KIF20B: variants seen among roughly 807,000 people sequenced by gnomAD.
KIF20B encodes the protein kinesin family member 20B.
Under a neutral mutation model 232.5 loss-of-function variants are expected in KIF20B, and 188 were observed. The ratio of observed to expected loss-of-function variants is 0.81; its 90% CI spans 0.72 to 0.91. KIF20B has a LOEUF of 0.91. KIF20B is among the 40% of genes least tolerant of loss of function. The pLI is 0.00. For missense variants in KIF20B, 2,154 were observed against 2,055.9 expected, an observed-to-expected ratio of 1.05 and a Z score of -0.92; for synonymous variants, 712 against 683.0, an observed-to-expected ratio of 1.04 and a Z score of -0.66.
Position 89,758,756 on chromosome 10 carries a change from G to A in KIF20B, c.4554G>A (p.Trp1518Ter). 6.2e-7 allele frequency: 1 copy of A among 1,607,512 alleles called. No individual in the cohort carries two copies. The highest frequency in any genetic ancestry group is 8.5e-7 in the Non-Finnish European group (1 of 1,176,952). ...LTEKDSDLQK[W>*]REERDQLVAA... ...AGAAAGATAGTGACCTTCAAAAGTGGCGAGAAGAACGAGATCAACTGGTTG... is the reference window on the plus strand; with the variant it reads ...AGAAAGATAGTGACCTTCAAAAGTGACGAGAAGAACGAGATCAACTGGTTG... The change falls in exon 27 of 33, where the codon TGG (tryptophan) becomes TGA (stop). Residue 1518 changes from tryptophan to a stop codon, truncating the protein, a stop_gained. Coordinates refer to ENST00000371728, the MANE Select transcript of KIF20B (RefSeq NM_001284259.2). LOFTEE classifies it high-confidence loss of function.
At chr10:89,745,704 C>T (rs1330799012) in intron 22 of KIF20B, among the ~76,000 whole-genome samples, 195 bp from the exon 23 acceptor site, 1 of 151,656 alleles carries the variant, frequency 6.6e-6, no homozygotes, top group Admixed American at 6.6e-5. Flanking sequence ...TCTACTTCTT[C>T]TTTCCCCTGC....
In KIF20B at chr10:89,709,473, G is replaced by C; in HGVS notation, c.351+12G>C. ...TCAGTTTTTCCAAGGTAAAACTGAA[G>C]TGTTTTTGTTTTTTGTTTTAAAGAT... On this transcript the variant is annotated intron_variant, in intron 4 of 32. Transcript: ENST00000371728. 6.4e-7 allele frequency: 1 copy of C among 1,560,414 alleles called. No individual in the cohort carries two copies. The highest frequency in any genetic ancestry group is 8.8e-7 in the Non-Finnish European group (1 of 1,133,598).
chr10:89,730,467 C>G (rs1376320926), intron 18 of KIF20B, among the ~76,000 whole-genome samples: 1 of 152,040 alleles, frequency 6.6e-6, no homozygotes, highest in African/African-American at 2.4e-5. Flanking sequence ...ATGTGTGAAG[C>G]TGTGAGTGGG....
In KIF20B at chr10:89,717,544, A is replaced by AC. The variant is rs750361808; in HGVS notation, c.1125-31dup. ...TAATTATTTGTAATTGTTTTGAAGA[A>AC]CTTTTAAAGTACTTTTTTTTTCTTA... is the stretch of plus-strand genomic sequence containing the variant. On this transcript the variant is annotated intron_variant, in intron 10 of 32. Coordinates refer to ENST00000371728, the MANE Select transcript of KIF20B (RefSeq NM_001284259.2). The AC allele has an allele frequency of 4.0e-5, 64 of 1,592,580 alleles. 2 individuals are homozygous for AC. In the South Asian group the frequency reaches 6.7e-4, roughly 17 times the overall value.
chr10:89,738,385 A>G lies in KIF20B; in HGVS notation c.3544A>G (p.Lys1182Glu). 6.2e-7 allele frequency: 1 copy of G among 1,602,014 alleles called. No homozygotes were observed. Among genetic ancestry groups the G allele is most frequent in the Non-Finnish European group, 8.5e-7 (1 of 1,176,996 alleles). Reference sequence around the variant, plus strand: ...GAAAGTTGAATGTAGTCATTCAGCCAAGTTAGAACAAGACATTTTGGAAAA... The same window carrying G: ...GAAAGTTGAATGTAGTCATTCAGCCGAGTTAGAACAAGACATTTTGGAAAA... ...TQKVECSHSA[K>E]LEQDILEKES... The change falls in exon 20 of 33, where the codon AAG becomes GAG. Residue 1182 changes from lysine (K) to glutamate (E), a missense_variant. Coordinates refer to ENST00000371728, the MANE Select transcript of KIF20B (RefSeq NM_001284259.2).
chr10:89,727,993 CAG>C, intron 17 of KIF20B, 97 bp downstream of exon 17: 1 of 1,113,458 alleles, frequency 9.0e-7, no homozygotes, highest in Middle Eastern at 2.2e-4. Flanking sequence ...AATAATTAAA[CAG>C]TAATATAGTC....
intron 18 of KIF20B, among the ~76,000 whole-genome samples, chr10:89,732,471 T>G (rs911974502): frequency 6.7e-6 from 1 of 148,674 alleles, no homozygotes; most frequent in Non-Finnish European, 1.5e-5. Flanking sequence ...AAAAAAAAAG[T>G]CTAAATGACG....
At chr10:89,717,767 A>T (rs1291413392) in intron 11 of KIF20B, 45 bp downstream of exon 11, 2 of 1,386,956 alleles carry the variant, frequency 1.4e-6, no homozygotes, top group Non-Finnish European at 2.0e-6. Context: ...ATATTACAAT[A>T]TTTAAACTTT....
At chr10:89,714,815 T>TC in intron 7 of KIF20B, 140 bp from the exon 8 acceptor site, 1 of 589,528 alleles carries the variant, frequency 1.7e-6, no homozygotes, top group South Asian at 2.1e-5. Context: ...CTTCCTTTGT[T>TC]CCAAAAAGTT....
chr10:89,706,492 A>T (rs1184500636), intron 2 of KIF20B, among the ~76,000 whole-genome samples: 1 of 151,786 alleles, frequency 6.6e-6, no homozygotes, highest in African/African-American at 2.4e-5. Context: ...GCCTTCCCCA[A>T]AGTTTTTGTC....
intron 19 of KIF20B, among the ~76,000 whole-genome samples, chr10:89,736,862 T>C (rs1302321448): frequency 6.6e-6 from 1 of 152,170 alleles, no homozygotes; most frequent in Non-Finnish European, 1.5e-5. Context: ...CTAGTAAGGC[T>C]ATATTATATG....
intron 26 of KIF20B, among the ~76,000 whole-genome samples, chr10:89,755,019 A>G (rs1410271089): frequency 1.3e-5 from 2 of 152,232 alleles, no homozygotes; most frequent in East Asian, 1.9e-4. Flanking sequence ...TGTACATTTT[A>G]TCACATAAAG....
At position 89,737,809 on chromosome 10, in the gene KIF20B, G is replaced by C; in HGVS notation, c.2968G>C (p.Asp990His). 6.2e-7 allele frequency: 1 copy of C among 1,613,200 alleles called. No individual in the cohort carries two copies. The stretch of plus-strand genomic sequence containing the variant: ...AATAAAATTAATGCACACGAAAATA[G>C]ACGAACTACGTACTCTTGATTCAGT... ...SQIKLMHTKI[D>H]ELRTLDSVSQ... is the part of the protein sequence containing the mutation. Residue 990 changes from aspartate (D) to histidine (H), a missense_variant, in exon 20 of 33, where the codon GAC becomes CAC. Asp to His is a moderately conservative substitution (Grantham distance 81). Transcript: ENST00000371728.
In KIF20B at chr10:89,719,643, T is replaced by G. The variant is rs1389575438; in HGVS notation, c.1659T>G (p.Leu553=). The stretch of plus-strand genomic sequence containing the variant: ...CTCAAAATGTGGAAACTAAACTTCT[T>G]GATGAAGATCTAGATAAAACATTAG... ...EETQNVETKL[L]DEDLDKTLEE... is the part of the protein sequence containing the mutation. The change falls in exon 13 of 33, where the codon CTT becomes CTG. Residue 553 remains leucine, a synonymous_variant. Transcript: ENST00000371728. 1 of 1,612,488 alleles carries G rather than the reference T, an allele frequency of 6.2e-7. No individual in the cohort carries two copies. Among genetic ancestry groups the G allele is most frequent in the Non-Finnish European group, 8.5e-7 (1 of 1,179,070 alleles).
rs138088478 is a variant in KIF20B, at chr10:89,757,069, T to TATATATACAC, written c.4504-1636_4504-1635insTATATACACA. ...ATATATATATATATATATATATATA[T>TATATATACAC]ACACACATGACAATTGCTAGATGAT... On this transcript the variant is annotated intron_variant, in intron 26 of 32. Coordinates refer to ENST00000371728, the MANE Select transcript of KIF20B (RefSeq NM_001284259.2). 2.9e-3 allele frequency among the ~76,000 whole-genome samples: 383 copies of TATATATACAC among 134,288 alleles called. 1 individual carries two copies. Among genetic ancestry groups the TATATATACAC allele is most frequent in the African/African-American group, 9.4e-3 (341 of 36,208 alleles). The allele number at this position is 134,288 out of a possible 152,430, so 88.1% of individuals were successfully genotyped here.
intron 2 of KIF20B, among the ~76,000 whole-genome samples, chr10:89,708,857 T>G (rs1449918241): frequency 6.6e-6 from 1 of 152,202 alleles, no homozygotes; most frequent in Non-Finnish European, 1.5e-5. Context: ...TTTGATTTAT[T>G]CTAGAGTTAT....
At chr10:89,754,034 T>G (rs1054180415) in intron 25 of KIF20B, among the ~76,000 whole-genome samples, 2 of 151,814 alleles carry the variant, frequency 1.3e-5, no homozygotes, top group Non-Finnish European at 2.9e-5. Context: ...AGTTTGAAAA[T>G]TACTGATCAG....
intron 24 of KIF20B, among the ~76,000 whole-genome samples, chr10:89,752,028 G>A (rs956560287): frequency 6.6e-6 from 1 of 151,954 alleles, no homozygotes; most frequent in East Asian, 1.9e-4. Flanking sequence ...GTAAAATGTG[G>A]CTGATGATGA....
chr10:89,713,056 A>G (rs1341871720), intron 6 of KIF20B, among the ~76,000 whole-genome samples: 1 of 152,168 alleles, frequency 6.6e-6, no homozygotes, highest in Non-Finnish European at 1.5e-5. Flanking sequence ...AATTAAAATC[A>G]TTAATAATGA....
Sources: gnomAD v4.1 joint callset for allele counts (sites outside exome capture counted in the v4.1 genomes callset) on GRCh38, gnomAD v4.1.1 for gene constraint, MANE v1.5 for transcripts, NCBI Gene and HGNC (gene_info 2026-07-23, HGNC 2026-07-21) for gene names.